TMIGD3: variants seen among roughly 807,000 people sequenced by gnomAD.
TMIGD3 encodes the protein transmembrane and immunoglobulin domain containing 3.
A neutral mutation model predicts 28.1 loss-of-function variants in TMIGD3; 21 were observed. The ratio of observed to expected loss-of-function variants is 0.75; its 90% confidence interval spans 0.53 to 1.08. The LOEUF (loss-of-function observed/expected upper bound fraction) is 1.08. Ranked by LOEUF, TMIGD3 falls within the 50% of genes least tolerant of loss-of-function variation. TMIGD3 has a pLI of 0.00. For missense variants in TMIGD3, 416 were observed against 435.6 expected (o/e 0.96, Z 0.40); for synonymous variants, 151 against 162.1 (o/e 0.93, Z 0.52).
chr1:111,543,030 A>T (rs1656901376), intron 1 of TMIGD3, among the ~76,000 whole-genome samples: 1 of 152,206 alleles, frequency 6.6e-6, no homozygotes, highest in South Asian at 2.1e-4. Context: ...ATGAGAAACT[A>T]AAATCAAAAG....
At chr1:111,562,884 T>C (rs751470255) in intron 1 of TMIGD3, among the ~76,000 whole-genome samples, 1 of 152,254 alleles carries the variant, frequency 6.6e-6, no homozygotes, top group Non-Finnish European at 1.5e-5. Context: ...AAGTAGATGC[T>C]TAGCCTTGTG....
At chr1:111,485,399 G>A (rs1378082848) in intron 5 of TMIGD3, 6 of 236,364 alleles carry the variant, frequency 2.5e-5, no homozygotes, top group Middle Eastern at 1.3e-3. Flanking sequence ...CTTACCCAGC[G>A]GTCCCAGAAG....
At chr1:111,486,759 C>A in intron 3 of TMIGD3, 107 bp from the exon 4 acceptor site, 1 of 921,806 alleles carries the variant, frequency 1.1e-6, no homozygotes, top group East Asian at 2.5e-5. Context: ...GAGTGAGTCC[C>A]CTGGTTGACT....
chr1:111,524,519 A>G (rs1170157441), intron 1 of TMIGD3, among the ~76,000 whole-genome samples: 1 of 152,108 alleles, frequency 6.6e-6, no homozygotes, highest in African/African-American at 2.4e-5. Flanking sequence ...AGTGCTATCA[A>G]TTTCCCTCTA....
rs536458282 is a variant in TMIGD3, at chr1:111,527,653, C to T, written c.107+36193G>A. Among the ~76,000 whole-genome samples, 3 of 152,342 alleles carry T rather than the reference C, an allele frequency of 2.0e-5. No homozygotes were observed. In the South Asian group the frequency reaches 6.2e-4, roughly 32 times the overall value. ...GCAATGAATGCATCCTGTTCTATAT[C>T]CTTACCAGCATTTAGTGCTATTAAT... On this transcript the variant is annotated intron_variant, in intron 1 of 5. Transcript: ENST00000369717.
intron 3 of TMIGD3, among the ~76,000 whole-genome samples, chr1:111,488,211 C>G (rs900495271): frequency 1.7e-4 from 26 of 151,576 alleles, no homozygotes; most frequent in African/African-American, 5.6e-4. Context: ...GATTCTAGAC[C>G]GACAAGGCAC....
chr1:111,487,228 C>G (rs1417300873), intron 3 of TMIGD3, among the ~76,000 whole-genome samples: 1 of 152,090 alleles, frequency 6.6e-6, no homozygotes, highest in African/African-American at 2.4e-5. Context: ...CTTGTCTGAG[C>G]CTAAGATTCA....
intron 1 of TMIGD3, among the ~76,000 whole-genome samples, chr1:111,540,644 T>C (rs1448868095): frequency 6.6e-6 from 1 of 152,198 alleles, no homozygotes; most frequent in Non-Finnish European, 1.5e-5. Context: ...AACTTCATGC[T>C]CCAGCATGAG....
At chr1:111,486,484 G>T in intron 4 of TMIGD3, 102 bp downstream of exon 4, 1 of 826,838 alleles carries the variant, frequency 1.2e-6, no homozygotes, top group Non-Finnish European at 2.1e-6. Context: ...CAGTAGAAAA[G>T]TTGTCGGTGC....
chr1:111,496,416 G>T (rs562232868), intron 1 of TMIGD3, among the ~76,000 whole-genome samples: 1 of 152,086 alleles, frequency 6.6e-6, no homozygotes, highest in East Asian at 1.9e-4. Flanking sequence ...AAAATTAATC[G>T]GACGGCCATT....
intron 1 of TMIGD3, among the ~76,000 whole-genome samples, chr1:111,548,884 T>C (rs1216524061): frequency 6.6e-6 from 1 of 152,236 alleles, no homozygotes; most frequent in African/African-American, 2.4e-5. Flanking sequence ...CGCTCTGATA[T>C]GGGCTGTTTT....
At chr1:111,502,108 AAT>A (rs1655221411) in intron 1 of TMIGD3, among the ~76,000 whole-genome samples, 1 of 27,848 alleles carries the variant, frequency 3.6e-5, no homozygotes, top group Non-Finnish European at 9.3e-5. Flanking sequence ...ATATATATTT[AAT>A]ATAATAAATA....
At chr1:111,513,874 G>A (rs1037731742) in intron 1 of TMIGD3, among the ~76,000 whole-genome samples, 2 of 152,160 alleles carry the variant, frequency 1.3e-5, no homozygotes, top group African/African-American at 4.8e-5. Context: ...ACTCTATGCT[G>A]TCTGCAAACT....
rs116651472 is a variant in TMIGD3, at chr1:111,497,578, G to A, written c.350+5427C>T. Reference sequence around the variant, plus strand: ...GAACACCTTAAGTCAGGAGATTCCCGTTAGACAAAGATAAAAAACACAACT... The same window carrying A: ...GAACACCTTAAGTCAGGAGATTCCCATTAGACAAAGATAAAAAACACAACT... On this transcript the variant is annotated intron_variant, in intron 1 of 5. Transcript: ENST00000369716. 4.6e-3 allele frequency among the ~76,000 whole-genome samples: 698 copies of A among 152,186 alleles called. 9 individuals are homozygous for A. The highest frequency in any genetic ancestry group is 0.016 in the African/African-American group (659 of 41,516).
intron 1 of TMIGD3, among the ~76,000 whole-genome samples, chr1:111,508,770 A>T (rs904632154): frequency 1.3e-5 from 2 of 152,242 alleles, no homozygotes; most frequent in Non-Finnish European, 2.9e-5. Context: ...CAAGGCAGGT[A>T]TCATCAATCT....
At chr1:111,548,696 A>T (rs1434892211) in intron 1 of TMIGD3, among the ~76,000 whole-genome samples, 1 of 152,206 alleles carries the variant, frequency 6.6e-6, no homozygotes, top group East Asian at 1.9e-4. Flanking sequence ...CTGCCACCGT[A>T]GGCTTCATAT....
intron 1 of TMIGD3, among the ~76,000 whole-genome samples, chr1:111,518,342 C>T (rs2101000959): frequency 6.6e-6 from 1 of 152,342 alleles, no homozygotes; most frequent in East Asian, 1.9e-4. Context: ...ACCAGGGTTT[C>T]TCAACCTCAA....
intron 2 of TMIGD3, chr1:111,489,441 G>T: frequency 1.9e-6 from 1 of 534,964 alleles, no homozygotes; most frequent in Non-Finnish European, 2.5e-6. Context: ...AACCAAACTT[G>T]CCAAATGCCT....
Position 111,488,757 on chromosome 1 carries a change from G to C in TMIGD3, c.725C>G (p.Ala242Gly). 1 of 1,614,146 alleles carries C rather than the reference G, an allele frequency of 6.2e-7. No homozygotes were observed. The highest frequency in any genetic ancestry group is 8.5e-7 in the Non-Finnish European group (1 of 1,180,038). Residue 242 changes from alanine to glycine, a missense_variant, in exon 3 of 6, where the codon GCC becomes GGC. Coordinates refer to ENST00000369716, the MANE Select transcript of TMIGD3 (RefSeq NM_020683.7). Reference protein sequence around the residue: ...WYWCGIQRDFARDDMDFTELI... With the variant: ...WYWCGIQRDFGRDDMDFTELI... ...CTCTGTAAAATCCATGTCATCCCTGGCAAAGTCCCGCTGGATGCCACACCA... is the reference window on the plus strand; with the variant it reads ...CTCTGTAAAATCCATGTCATCCCTGCCAAAGTCCCGCTGGATGCCACACCA...
Sources: gnomAD v4.1 joint callset for allele counts (sites outside exome capture counted in the v4.1 genomes callset) on GRCh38, gnomAD v4.1.1 for gene constraint, MANE v1.5 for transcripts, NCBI Gene and HGNC (gene_info 2026-07-23, HGNC 2026-07-21) for gene names.